The following FOXP2 variants were observed in gnomAD, a reference collection of about 807,000 sequenced individuals.
The protein encoded by FOXP2 is forkhead box P2.
A neutral mutation model predicts 115.8 loss-of-function variants in FOXP2; 12 were observed. The ratio of observed to expected loss-of-function variants is 0.10; its 90% confidence interval spans 0.07 to 0.17. The LOEUF (loss-of-function observed/expected upper bound fraction) is 0.17, where lower values mean the gene tolerates loss of function less well. FOXP2 is among the 10% of genes least tolerant of loss of function. The probability of loss-of-function intolerance (pLI) is 1.00; values close to 1 mark genes in which losing one functional copy is unlikely to be tolerated. For synonymous variants in FOXP2, 328 were observed against 297.7 expected (o/e 1.10, Z -1.05); for missense variants, 629 against 843.5 (o/e 0.75, Z 3.15).
chr7:114,344,767 G>A (rs1332863483), intron 2 of FOXP2, among the ~76,000 whole-genome samples: 4 of 151,654 alleles, frequency 2.6e-5, no homozygotes, highest in African/African-American at 9.7e-5. Context: ...GTTTACATTA[G>A]GGCTTAAAAT....
chr7:114,556,054 G>A lies in FOXP2; in HGVS notation c.258+21348G>A, dbSNP rs146372948. ...ATATGAGATAACTTTTAATATGAAA[G>A]AAAAAGCAAATGGCAGTGATGGACT... On this transcript the variant is annotated intron_variant, in intron 3 of 16. Coordinates refer to ENST00000350908, the MANE Select transcript of FOXP2 (RefSeq NM_014491.4). Among the ~76,000 whole-genome samples the A allele has an allele frequency of 2.0e-3, 298 of 152,274 alleles. 4 individuals are homozygous for A. The East Asian group carries it at 0.02, about 10-fold the overall frequency.
chr7:114,302,646 C>G (rs1026142112), intron 2 of FOXP2, among the ~76,000 whole-genome samples: 2 of 152,050 alleles, frequency 1.3e-5, no homozygotes, highest in Non-Finnish European at 2.9e-5. Context: ...TGTATAATTC[C>G]CTTCCAATGA....
At chr7:114,288,982 G>A (rs1476200747) in intron 2 of FOXP2, among the ~76,000 whole-genome samples, 1 of 151,680 alleles carries the variant, frequency 6.6e-6, no homozygotes, top group Non-Finnish European at 1.5e-5. Flanking sequence ...GCATAGTATA[G>A]GCCTCAGGAT....
chr7:114,377,926 C>G (rs758162514), intron 2 of FOXP2, among the ~76,000 whole-genome samples: 5 of 152,168 alleles, frequency 3.3e-5, no homozygotes, highest in Non-Finnish European at 4.4e-5. Flanking sequence ...GTGCAATGCT[C>G]CTTTTGTCCA....
intron 1 of FOXP2, among the ~76,000 whole-genome samples, chr7:114,229,743 GC>G (rs1273313598): frequency 2.0e-5 from 3 of 150,692 alleles, no homozygotes; most frequent in Admixed American, 6.6e-5. Flanking sequence ...TGTCACAAAA[GC>G]AATACCAAGA....
chr7:114,278,545 G>C (rs1796249992), intron 1 of FOXP2, among the ~76,000 whole-genome samples: 1 of 151,946 alleles, frequency 6.6e-6, no homozygotes, highest in African/African-American at 2.4e-5. Flanking sequence ...GTAGAGGTGG[G>C]GTTTCACCAT....
intron 7 of FOXP2, among the ~76,000 whole-genome samples, 174 bp downstream of exon 7, chr7:114,642,797 TATATATATATA>T (rs1563054398): frequency 3.7e-4 from 15 of 40,876 alleles, no homozygotes; most frequent in Admixed American, 1.1e-3. Context: ...TATATATATA[TATATATATATA>T]TATATTTTTT....
chr7:114,552,131 G>A (rs1419935941), intron 3 of FOXP2, among the ~76,000 whole-genome samples: 1 of 152,174 alleles, frequency 6.6e-6, no homozygotes, highest in Non-Finnish European at 1.5e-5. Flanking sequence ...GGCTAGAAAT[G>A]TATGTAGTTT....
chr7:114,088,384 CA>C (rs2129138487), intron 1 of FOXP2: 1 of 152,336 alleles, frequency 6.6e-6, no homozygotes, highest in Non-Finnish European at 1.5e-5. Flanking sequence ...AGCTACCTCC[CA>C]ACATGTCCAG....
chr7:114,308,251 C>A (rs1431937138), intron 2 of FOXP2, among the ~76,000 whole-genome samples: 1 of 152,096 alleles, frequency 6.6e-6, no homozygotes, highest in Non-Finnish European at 1.5e-5. Flanking sequence ...TCATAGGCCA[C>A]TGGGGGGGAC....
At chr7:114,286,112 G>T (rs1584608397) in intron 1 of FOXP2, among the ~76,000 whole-genome samples, 1 of 151,508 alleles carries the variant, frequency 6.6e-6, no homozygotes, top group Non-Finnish European at 1.5e-5. Context: ...TTTACTTTCT[G>T]CCCGATTCTT....
At chr7:114,111,055 G>A (rs763743456) in intron 1 of FOXP2, among the ~76,000 whole-genome samples, 4 of 152,052 alleles carry the variant, frequency 2.6e-5, no homozygotes, top group Admixed American at 1.3e-4. Flanking sequence ...AAGTATCAGA[G>A]GATTAGAAGA....
chr7:114,289,724 A>G (rs1345708231), intron 2 of FOXP2, among the ~76,000 whole-genome samples: 1 of 151,984 alleles, frequency 6.6e-6, no homozygotes, highest in African/African-American at 2.4e-5. Flanking sequence ...GGAATGTGCT[A>G]CTTAGACTTT....
chr7:114,475,255 G>A (rs553287608), intron 2 of FOXP2, among the ~76,000 whole-genome samples: 2 of 152,156 alleles, frequency 1.3e-5, no homozygotes, highest in East Asian at 3.9e-4. Context: ...GTGCAAATGT[G>A]AGTCCGTTAC....
intron 1 of FOXP2, among the ~76,000 whole-genome samples, chr7:114,205,299 A>T (rs1237414854): frequency 6.6e-6 from 1 of 152,168 alleles, no homozygotes; most frequent in Non-Finnish European, 1.5e-5. Flanking sequence ...AAAGAAACAA[A>T]AAAGGAAGAT....
chr7:114,326,234 G>A (rs1562871824), intron 2 of FOXP2, among the ~76,000 whole-genome samples: 1 of 152,068 alleles, frequency 6.6e-6, no homozygotes, highest in African/African-American at 2.4e-5. Flanking sequence ...ATAGCAAAGA[G>A]TACAAAGTTT....
At chr7:114,542,087 A>G (rs1799690721) in intron 3 of FOXP2, among the ~76,000 whole-genome samples, 1 of 152,034 alleles carries the variant, frequency 6.6e-6, no homozygotes, top group African/African-American at 2.4e-5. Flanking sequence ...CTATTTATAT[A>G]TTTCTATCAA....
intron 13 of FOXP2, among the ~76,000 whole-genome samples, chr7:114,659,930 T>C (rs1806779074): frequency 6.6e-6 from 1 of 152,192 alleles, no homozygotes; most frequent in Non-Finnish European, 1.5e-5. Flanking sequence ...AATTACAGTG[T>C]GAGCACTCAA....
rs548926967 is a variant in FOXP2, at chr7:114,551,723, A to G, written c.258+17017A>G. ...AAGAGAGAGAAAAATGTAGAAAAGT[A>G]TTTTAATAATTTTTTTACATTAAAA... On this transcript the variant is annotated intron_variant, in intron 3 of 16. Transcript: ENST00000350908. Among the ~76,000 whole-genome samples, 13 of 152,286 alleles carry G rather than the reference A, an allele frequency of 8.5e-5. No individual in the cohort carries two copies. The East Asian group carries it at 2.5e-3, about 29-fold the overall frequency.
Sources: gnomAD v4.1 joint callset for allele counts (sites outside exome capture counted in the v4.1 genomes callset) on GRCh38, gnomAD v4.1.1 for gene constraint, MANE v1.5 for transcripts, NCBI Gene and HGNC (gene_info 2026-07-23, HGNC 2026-07-21) for gene names.